Variants in CSMD1 observed in about 807,000 individuals in gnomAD.
CSMD1 encodes the protein CUB and sushi domain-containing protein 1.
A neutral mutation model predicts 417.5 loss-of-function variants in CSMD1; 213 were observed. The ratio of observed to expected loss-of-function variants is 0.51; its 90% CI spans 0.46 to 0.57. The LOEUF (loss-of-function observed/expected upper bound fraction) is 0.57. CSMD1 is among the 20% of genes least tolerant of loss of function. The pLI is 0.00. For synonymous variants in CSMD1, 2,862 were observed against 1,736.8 expected (o/e 1.65, Z -16.11); for missense variants, 6,923 against 4,529.7 (o/e 1.53, Z -15.17).
chr8:4,705,262 T>A (rs1563181133), intron 1 of CSMD1, among the ~76,000 whole-genome samples: 4 of 152,196 alleles, frequency 2.6e-5, no homozygotes, highest in Admixed American at 6.5e-5. Context: ...GTATTTTTTT[T>A]ATAGCAGTGT....
intron 5 of CSMD1, among the ~76,000 whole-genome samples, chr8:3,923,888 A>T (rs1357682951): frequency 6.6e-6 from 1 of 152,158 alleles, no homozygotes; most frequent in African/African-American, 2.4e-5. Flanking sequence ...GCTTGTAGCT[A>T]TTTTTAAAAT....
At chr8:4,823,138 C>G (rs768194899) in intron 1 of CSMD1, among the ~76,000 whole-genome samples, 1 of 152,050 alleles carries the variant, frequency 6.6e-6, no homozygotes, top group Admixed American at 6.6e-5. Flanking sequence ...CTACTGGATG[C>G]TTTATGCAGC....
At chr8:2,993,050 T>A (rs1466886760) in intron 54 of CSMD1, among the ~76,000 whole-genome samples, 1 of 152,114 alleles carries the variant, frequency 6.6e-6, no homozygotes, top group African/African-American at 2.4e-5. Context: ...ATCTCAAGAA[T>A]AAAATAAACA....
chr8:4,000,618 G>T (rs1815593782), intron 4 of CSMD1, among the ~76,000 whole-genome samples: 1 of 152,094 alleles, frequency 6.6e-6, no homozygotes, highest in South Asian at 2.1e-4. Flanking sequence ...TTCATAAAGG[G>T]ATGAGGTAAA....
intron 12 of CSMD1, among the ~76,000 whole-genome samples, chr8:3,415,952 A>G (rs954092467): frequency 1.7e-4 from 25 of 148,594 alleles, no homozygotes; most frequent in African/African-American, 6.1e-4. Flanking sequence ...TTTGGCACTT[A>G]CAATGAGTAG....
At chr8:3,349,926 T>G (rs1808292086) in intron 21 of CSMD1, among the ~76,000 whole-genome samples, 1 of 144,678 alleles carries the variant, frequency 6.9e-6, no homozygotes, top group South Asian at 2.1e-4. Context: ...ATATATTATA[T>G]TATATATAAT....
intron 10 of CSMD1, among the ~76,000 whole-genome samples, chr8:3,496,882 G>A (rs189090783): frequency 2.0e-5 from 3 of 152,142 alleles, no homozygotes; most frequent in South Asian, 2.1e-4. Context: ...AGACCCATTG[G>A]CCTATTTCTT....
intron 1 of CSMD1, among the ~76,000 whole-genome samples, chr8:4,838,686 C>A (rs904717126): frequency 1.3e-5 from 2 of 152,270 alleles, no homozygotes; most frequent in African/African-American, 4.8e-5. Flanking sequence ...TTATAAGAGA[C>A]CTTTATTTGC....
At chr8:4,639,102 C>T (rs1462430929) in intron 1 of CSMD1, among the ~76,000 whole-genome samples, 2 of 152,092 alleles carry the variant, frequency 1.3e-5, no homozygotes, top group Non-Finnish European at 2.9e-5. Flanking sequence ...TCAGCCTCAC[C>T]GATGCATTTC....
chr8:3,794,139 T>C (rs1799907073), intron 5 of CSMD1, among the ~76,000 whole-genome samples: 1 of 152,102 alleles, frequency 6.6e-6, no homozygotes, highest in East Asian at 1.9e-4. Flanking sequence ...CCGGTGTTTG[T>C]GTTTTCCCAT....
chr8:3,512,405 G>T (rs1439799638), intron 10 of CSMD1, among the ~76,000 whole-genome samples: 1 of 152,008 alleles, frequency 6.6e-6, no homozygotes, highest in East Asian at 1.9e-4. Flanking sequence ...CCATAGACAG[G>T]CTTTTGGTGC....
intron 12 of CSMD1, 24 bp downstream of exon 12, chr8:3,468,688 C>T (rs1276268155): frequency 6.8e-7 from 1 of 1,473,548 alleles, no homozygotes; most frequent in East Asian, 2.3e-5. Context: ...ACTTCCAACC[C>T]TGTGAAGTGT....
chr8:3,014,428 G>C (rs1808666517), intron 52 of CSMD1, among the ~76,000 whole-genome samples: 1 of 152,106 alleles, frequency 6.6e-6, no homozygotes, highest in Non-Finnish European at 1.5e-5. Context: ...CCTGTTGTGA[G>C]AACAATCACA....
At chr8:4,675,725 C>G (rs768440842) in intron 1 of CSMD1, among the ~76,000 whole-genome samples, 1 of 152,116 alleles carries the variant, frequency 6.6e-6, no homozygotes, top group Non-Finnish European at 1.5e-5. Flanking sequence ...CATATTTTCC[C>G]TATTCATCTG....
chr8:3,270,821 A>G (rs894072810), intron 26 of CSMD1, among the ~76,000 whole-genome samples: 11 of 152,194 alleles, frequency 7.2e-5, no homozygotes, highest in Non-Finnish European at 1.3e-4. Flanking sequence ...TTATAAAGAA[A>G]AGAGTTTTAA....
Position 4,885,290 on chromosome 8 carries a change from T to C in CSMD1, c.85+109042A>G, listed in dbSNP as rs552437116. Among the ~76,000 whole-genome samples, 9 of 152,226 alleles carry C rather than the reference T, an allele frequency of 5.9e-5. No homozygotes were observed. The South Asian group carries it at 1.9e-3, about 32-fold the overall frequency. On this transcript the variant is annotated intron_variant, in intron 1 of 69. Coordinates refer to ENST00000635120, the MANE Select transcript of CSMD1 (RefSeq NM_033225.6). ...TACCATCAGAAATGAGAGATAGTTT[T>C]CCTTCTTTTTTTTATTATTCTGGAT...
At chr8:3,331,915 T>C (rs80233822) in intron 23 of CSMD1, among the ~76,000 whole-genome samples, 3,743 of 152,288 alleles carry the variant, frequency 0.025, 84 homozygotes, top group East Asian at 0.083. Context: ...CAGAAGATCA[T>C]TGTTGACAGG....
chr8:4,727,118 C>T (rs933504428), intron 1 of CSMD1, among the ~76,000 whole-genome samples: 2 of 152,088 alleles, frequency 1.3e-5, no homozygotes, highest in African/African-American at 4.8e-5. Flanking sequence ...GGCCCTTCTG[C>T]AGCTGAATGT....
intron 5 of CSMD1, among the ~76,000 whole-genome samples, chr8:3,772,712 T>C (rs571927518): frequency 1.4e-3 from 209 of 147,386 alleles, no homozygotes; most frequent in African/African-American, 3.2e-3. Context: ...CACACACACA[T>C]ATATATATAT....
Sources: gnomAD v4.1 joint callset for allele counts (sites outside exome capture counted in the v4.1 genomes callset) on GRCh38, gnomAD v4.1.1 for gene constraint, MANE v1.5 for transcripts, NCBI Gene and HGNC (gene_info 2026-07-23, HGNC 2026-07-21) for gene names.